The following CDH3 variants were observed in gnomAD, a reference collection of about 807,000 sequenced individuals.
CDH3 encodes cadherin-3.
Under a neutral mutation model 82.0 loss-of-function variants are expected in CDH3, and 54 were observed. The observed-to-expected ratio is 0.66, with a 90% CI of 0.53 to 0.83. The LOEUF is 0.83. Among genes scored for constraint, CDH3 ranks in the 40% least tolerant of loss-of-function variants. The pLI, the probability that CDH3 is intolerant of heterozygous loss-of-function variation, is 0.00. For synonymous variants in CDH3, 446 were observed against 437.9 expected, an observed-to-expected ratio of 1.02 and a Z score of -0.23; for missense variants, 1,054 against 1,084.6, an observed-to-expected ratio of 0.97 and a Z score of 0.40.
Position 68,687,738 on chromosome 16 carries a change from T to C in CDH3, c.1795+2T>C. 6.2e-7 allele frequency: 1 copy of C among 1,610,656 alleles called. No homozygotes were observed. Among genetic ancestry groups the C allele is most frequent in the Non-Finnish European group, 8.5e-7 (1 of 1,177,134 alleles). ...GGACGGCAGAGGTCAACGAGGAAGG[T>C]ACCTGAGTGAGTGGTGGTAGCGGGT... On this transcript the variant is annotated splice_donor_variant, in intron 12 of 15. Transcript: ENST00000264012. LOFTEE classifies it high-confidence loss of function.
Position 68,697,420 on chromosome 16 carries a change from C to A in CDH3, c.2281-771C>A, listed in dbSNP as rs201654673. ...GACTACCTGGGTTTGGATTATAGAT[C>A]CCAGGTGATTGCACCTGGGGGGCAA... is the stretch of plus-strand genomic sequence containing the variant. On this transcript the variant is annotated intron_variant, in intron 15 of 15. Transcript: ENST00000264012. 5.3e-3 allele frequency among the ~76,000 whole-genome samples: 807 copies of A among 152,210 alleles called. 5 individuals are homozygous for A. Among genetic ancestry groups the A allele is most frequent in the Non-Finnish European group, 8.4e-3 (570 of 68,000 alleles).
chr16:68,669,601 C>T (rs749306868), intron 2 of CDH3, among the ~76,000 whole-genome samples: 14 of 146,354 alleles, frequency 9.6e-5, no homozygotes, highest in Admixed American at 2.0e-4. Flanking sequence ...GGATTTCTAG[C>T]TCCTGGTGGG....
intron 3 of CDH3, 139 bp downstream of exon 3, chr16:68,676,609 T>TTAGTTA: frequency 1.4e-6 from 1 of 716,282 alleles, no homozygotes; most frequent in South Asian, 1.5e-5. Context: ...AGTCCTCAGC[T>TTAGTTA]GTCCACAGCT....
At chr16:68,720,618 CTTT>C (rs5817649) in intron 1 of CDH3, among the ~76,000 whole-genome samples, 17 of 135,894 alleles carry the variant, frequency 1.3e-4, no homozygotes, top group Admixed American at 1.5e-4. Context: ...TTTATTAAGT[CTTT>C]TTTTTTTTTT....
intron 2 of CDH3, among the ~76,000 whole-genome samples, chr16:68,649,072 G>A (rs558918124): frequency 1.7e-4 from 26 of 152,124 alleles, no homozygotes; most frequent in Non-Finnish European, 3.7e-4. Context: ...TCTGGAAGCC[G>A]ACAGTGGAGA....
chr16:68,701,051 A>C (rs1041010839), downstream of CDH3, among the ~76,000 whole-genome samples: 7 of 152,090 alleles, frequency 4.6e-5, 1 homozygote, highest in Middle Eastern at 0.02. Flanking sequence ...GTTATCTTCA[A>C]CTCCCTTCAG....
At chr16:68,715,412 G>A (rs531678511) in intron 1 of CDH3, among the ~76,000 whole-genome samples, 38 of 97,682 alleles carry the variant, frequency 3.9e-4, no homozygotes, top group Middle Eastern at 5.1e-3. Context: ...GGGCGACAGA[G>A]CACGACTCTC....
chr16:68,690,854 C>T (rs181904629), intron 12 of CDH3, among the ~76,000 whole-genome samples: 14 of 151,878 alleles, frequency 9.2e-5, no homozygotes, highest in South Asian at 4.2e-4. Context: ...TTGCAGTGAG[C>T]TGAGATCACG....
chr16:68,646,637 A>G (rs1960080453), intron 2 of CDH3, among the ~76,000 whole-genome samples: 2 of 149,362 alleles, frequency 1.3e-5, no homozygotes, highest in East Asian at 2.0e-4. Flanking sequence ...CTAGGTTAAG[A>G]GGACAATGGA....
At chr16:68,680,530 T>C (rs1042815054) in intron 7 of CDH3, among the ~76,000 whole-genome samples, 1 of 152,044 alleles carries the variant, frequency 6.6e-6, no homozygotes, top group East Asian at 1.9e-4. Context: ...AATACAAAAA[T>C]TAGCTGGGCG....
chr16:68,662,387 G>A (rs1960607746), intron 2 of CDH3, among the ~76,000 whole-genome samples: 1 of 152,110 alleles, frequency 6.6e-6, no homozygotes, highest in Non-Finnish European at 1.5e-5. Flanking sequence ...GAGCCTAGGA[G>A]GTCTAGGCTG....
intron 2 of CDH3, chr16:68,651,653 G>T (rs1018130760): frequency 3.9e-6 from 2 of 508,818 alleles, no homozygotes; most frequent in Non-Finnish European, 7.8e-6. Context: ...GGTCCATGGG[G>T]TTCATGCCAT....
intron 12 of CDH3, among the ~76,000 whole-genome samples, chr16:68,690,140 TCTGTGGTTAGCCTGCCACCCC>T (rs1567454622): frequency 1.3e-5 from 2 of 152,266 alleles, no homozygotes; most frequent in East Asian, 3.9e-4. Flanking sequence ...TGGCTTCTGC[TCTGTGGTTAGCCTGCCACCCC>T]CTGGGCCTTG....
chr16:68,725,170 C>T (rs1256830451), intron 2 of CDH3, among the ~76,000 whole-genome samples: 4 of 152,122 alleles, frequency 2.6e-5, no homozygotes, highest in Non-Finnish European at 5.9e-5. Flanking sequence ...TGACAGCAGC[C>T]CCACTTTCCA....
chr16:68,677,520 T>C (rs1213044893), intron 3 of CDH3, among the ~76,000 whole-genome samples: 1 of 152,164 alleles, frequency 6.6e-6, no homozygotes, highest in East Asian at 1.9e-4. Flanking sequence ...GGTGGCTTGC[T>C]TGAGGTCAGG....
intron 1 of CDH3, among the ~76,000 whole-genome samples, chr16:68,708,778 G>T (rs1452222000): frequency 6.6e-6 from 1 of 151,938 alleles, no homozygotes; most frequent in Non-Finnish European, 1.5e-5. Context: ...TGAGTAGCTG[G>T]GATTACAGGC....
At position 68,707,897 on chromosome 16, in the gene CDH3, C is replaced by A. The variant is rs564997062; in HGVS notation, c.99+11974C>A. On this transcript the variant is annotated intron_variant, in intron 1 of 2. Coordinates refer to the CDH3 transcript ENST00000569080. The surrounding 1 kb of genome is among the most constrained non-coding windows in gnomAD (Gnocchi z 4.5). ...GGGTCAGGAATGCCTGGGCTCCGTT[C>A]CAACTTCTGTCCCCACTGTTGTCCA... is the stretch of plus-strand genomic sequence containing the variant. Among the ~76,000 whole-genome samples, 1 of 152,076 alleles carries A rather than the reference C, an allele frequency of 6.6e-6. No individual in the cohort carries two copies. Among genetic ancestry groups the A allele is most frequent in the Non-Finnish European group, 1.5e-5 (1 of 68,016 alleles).
chr16:68,706,610 T>C (rs1374526029), intron 1 of CDH3, among the ~76,000 whole-genome samples: 1 of 135,498 alleles, frequency 7.4e-6, no homozygotes, highest in Non-Finnish European at 1.5e-5. Flanking sequence ...TGGAGTGCAG[T>C]GGTGTAATCT....
chr16:68,667,842 A>T lies in CDH3; in HGVS notation c.161-8543A>T, dbSNP rs575934911. Among the ~76,000 whole-genome samples the T allele has an allele frequency of 2.0e-5, 3 of 152,264 alleles. No homozygotes were observed. In the South Asian group the frequency reaches 6.2e-4, roughly 32 times the overall value. Reference sequence around the variant, plus strand: ...GCCAGAGACTCCTGGTTTCCATTGGATGTCTTCTATCGAGTGCAGATACAT... The same window carrying T: ...GCCAGAGACTCCTGGTTTCCATTGGTTGTCTTCTATCGAGTGCAGATACAT... On this transcript the variant is annotated intron_variant, in intron 2 of 15. Coordinates refer to ENST00000264012, the MANE Select transcript of CDH3 (RefSeq NM_001793.6).
Sources: allele counts gnomAD v4.1 joint callset (sites outside exome capture counted in the v4.1 genomes callset), GRCh38; gene constraint gnomAD v4.1.1; non-coding constraint Gnocchi (gnomAD v3.1); transcripts MANE v1.5; gene names NCBI Gene and HGNC (gene_info 2026-07-23, HGNC 2026-07-21).